Variants in SVIL observed in about 807,000 individuals in gnomAD.
The protein encoded by SVIL is supervillin, also known as archvillin.
Under a neutral mutation model 240.4 loss-of-function variants are expected in SVIL, and 101 were observed. The ratio of observed to expected loss-of-function variants is 0.42; its 90% confidence interval spans 0.36 to 0.50. The LOEUF (loss-of-function observed/expected upper bound fraction) is 0.50, where lower values mean the gene tolerates loss of function less well. Among genes scored for constraint, SVIL ranks in the 20% least tolerant of loss-of-function variants. SVIL has a pLI of 0.01. For missense variants in SVIL, 2,512 were observed against 2,818.7 expected (o/e 0.89, Z 2.46); for synonymous variants, 999 against 1,100.0 (o/e 0.91, Z 1.82).
upstream of SVIL, among the ~76,000 whole-genome samples, chr10:29,736,059 C>A (rs1208804188): frequency 6.6e-6 from 1 of 152,250 alleles, no homozygotes. Flanking sequence ...AGCACAAGCA[C>A]CCCTGCCTCT....
chr10:29,527,207 A>G (rs1950983306), intron 12 of SVIL, 151 bp from the exon 13 acceptor site: 2 of 760,232 alleles, frequency 2.6e-6, no homozygotes, highest in Non-Finnish European at 4.2e-6. Context: ...AAATCACGAA[A>G]GAACTTCAAA....
chr10:29,719,083 G>T (rs1963819563), intron 1 of SVIL, among the ~76,000 whole-genome samples: 1 of 152,166 alleles, frequency 6.6e-6, no homozygotes, highest in Admixed American at 6.5e-5. Flanking sequence ...ACTCCAGCCT[G>T]GATGACAGAG....
intron 1 of SVIL, among the ~76,000 whole-genome samples, chr10:29,589,993 C>T (rs1282949518): frequency 1.3e-5 from 2 of 151,544 alleles, no homozygotes; most frequent in African/African-American, 2.4e-5. Context: ...TGGTGAAACC[C>T]CGTCTCTACT....
At chr10:29,479,230 ACT>A (rs1370359235) in intron 29 of SVIL, among the ~76,000 whole-genome samples, 11 of 151,868 alleles carry the variant, frequency 7.2e-5, no homozygotes, top group Non-Finnish European at 1.3e-4. Flanking sequence ...CCCCACTCTG[ACT>A]CTCTGCCCGC....
chr10:29,529,554 C>T, intron 12 of SVIL, 151 bp downstream of exon 12: 1 of 848,830 alleles, frequency 1.2e-6, no homozygotes, highest in Non-Finnish European at 1.6e-6. Context: ...TTTAGAGAGA[C>T]CACAGTAAAC....
rs1381017387 is a variant in SVIL, at chr10:29,509,320, GGAGGGGGAGGGAGAGAGAGA to G, written c.3516+3395_3516+3414del. On this transcript the variant is annotated intron_variant, in intron 17 of 37. Transcript: ENST00000355867. ...AAGAGGGGGAGAGAGAAAGGGAGAA[GGAGGGGGAGGGAGAGAGAGA>G]GAGAGAGAGAGAGAGAGAGAGAGAG... Among the ~76,000 whole-genome samples the G allele has an allele frequency of 9.1e-4, 79 of 86,856 alleles. 2 individuals are homozygous for G. Among genetic ancestry groups the G allele is most frequent in the Admixed American group, 7.7e-3 (51 of 6,658 alleles). 57.0% of individuals were successfully genotyped at this position (86,856 alleles called of 152,430 possible).
chr10:29,521,319 A>G (rs562801098), intron 16 of SVIL, among the ~76,000 whole-genome samples: 1 of 152,014 alleles, frequency 6.6e-6, no homozygotes, highest in African/African-American at 2.4e-5. Context: ...AAATGTATCT[A>G]GAAAAATAAG....
chr10:29,646,074 G>A (rs372404973), intron 3 of SVIL, among the ~76,000 whole-genome samples: 1 of 152,160 alleles, frequency 6.6e-6, no homozygotes, highest in African/African-American at 2.4e-5. Flanking sequence ...GTGAACTGCT[G>A]TTCATCTTCA....
chr10:29,571,276 C>T (rs1305131052), intron 1 of SVIL, among the ~76,000 whole-genome samples: 1 of 152,186 alleles, frequency 6.6e-6, no homozygotes, highest in Non-Finnish European at 1.5e-5. Context: ...AGACTGGAGC[C>T]CAGTGATGGG....
intron 11 of SVIL, 102 bp downstream of exon 11, chr10:29,530,505 C>A: frequency 7.3e-7 from 1 of 1,365,392 alleles, no homozygotes; most frequent in Non-Finnish European, 1.0e-6. Context: ...AGGCTGGTCT[C>A]AAACTCCTGG....
intron 17 of SVIL, among the ~76,000 whole-genome samples, chr10:29,500,866 A>G (rs1396544755): frequency 6.6e-6 from 1 of 152,064 alleles, no homozygotes; most frequent in Non-Finnish European, 1.5e-5. Flanking sequence ...ACGAGAGAGA[A>G]CTTCCTGATT....
chr10:29,484,917 G>A lies in SVIL; in HGVS notation c.4780-86C>T. On this transcript the variant is annotated intron_variant, in intron 26 of 37. Coordinates refer to ENST00000355867, the MANE Select transcript of SVIL (RefSeq NM_021738.3). The surrounding 1 kb of genome is among the most constrained non-coding windows in gnomAD (Gnocchi z 4.7). Reference sequence around the variant, plus strand: ...TGCAACAGGGTCTCTTGTTGACAGTGAGTCAAACGGAGGAAGACAGAAATC... The same window carrying A: ...TGCAACAGGGTCTCTTGTTGACAGTAAGTCAAACGGAGGAAGACAGAAATC... 1.5e-6 allele frequency: 2 copies of A among 1,358,994 alleles called. No individual in the cohort carries two copies. The highest frequency in any genetic ancestry group is 2.0e-6 in the Non-Finnish European group (2 of 1,001,696). 84.2% of individuals were successfully genotyped at this position (1,358,994 alleles called of 1,614,324 possible).
At chr10:29,517,277 C>G (rs1422438371) in intron 16 of SVIL, among the ~76,000 whole-genome samples, 1 of 151,778 alleles carries the variant, frequency 6.6e-6, no homozygotes, top group East Asian at 1.9e-4. Context: ...AAATAAAAAG[C>G]CAGCTGAGCA....
intron 6 of SVIL, among the ~76,000 whole-genome samples, chr10:29,539,970 A>G (rs544734929): frequency 2.0e-5 from 3 of 152,114 alleles, no homozygotes; most frequent in African/African-American, 7.2e-5. Context: ...GGTACCTTCA[A>G]AATATAACCT....
chr10:29,639,316 TG>T (rs987187566), upstream of SVIL, among the ~76,000 whole-genome samples: 3 of 150,980 alleles, frequency 2.0e-5, no homozygotes, highest in Non-Finnish European at 4.4e-5. Flanking sequence ...GGACTACAGG[TG>T]TGCGCTAGCA....
intron 1 of SVIL, among the ~76,000 whole-genome samples, chr10:29,574,891 C>G (rs1450665548): frequency 6.6e-6 from 1 of 152,194 alleles, no homozygotes; most frequent in Non-Finnish European, 1.5e-5. Context: ...ACAGACCTTG[C>G]TCGAAACCAG....
chr10:29,629,125 C>T (rs937116807), intron 1 of SVIL, among the ~76,000 whole-genome samples: 1 of 151,960 alleles, frequency 6.6e-6, no homozygotes, highest in African/African-American at 2.4e-5. Flanking sequence ...TCAAGGGGAG[C>T]TTTATTTAGA....
At chr10:29,640,645 C>A (rs577976352) in intron 3 of SVIL, among the ~76,000 whole-genome samples, 2 of 152,320 alleles carry the variant, frequency 1.3e-5, no homozygotes, top group Non-Finnish European at 2.9e-5. Flanking sequence ...CTGACCGCAA[C>A]CTCCCCATCG....
chr10:29,629,296 C>A (rs1018428441), intron 1 of SVIL, among the ~76,000 whole-genome samples: 1 of 152,066 alleles, frequency 6.6e-6, no homozygotes, highest in Non-Finnish European at 1.5e-5. Context: ...CCTTCTCCTC[C>A]TCGGAAGCCC....
Sources: allele counts gnomAD v4.1 joint callset (sites outside exome capture counted in the v4.1 genomes callset), GRCh38; gene constraint gnomAD v4.1.1; non-coding constraint Gnocchi (gnomAD v3.1); transcripts MANE v1.5; gene names NCBI Gene and HGNC (gene_info 2026-07-23, HGNC 2026-07-21).